Variants in WDR25 observed in about 807,000 individuals in gnomAD.
WDR25 encodes WD repeat-containing protein 25.
WDR25 carries 35 observed loss-of-function variants against 47.7 expected under a neutral mutation model. The observed-to-expected ratio is 0.73, with a 90% CI of 0.56 to 0.97. The LOEUF is 0.97. Among genes scored for constraint, WDR25 ranks in the 50% least tolerant of loss-of-function variants. The pLI, the probability that WDR25 is intolerant of heterozygous loss-of-function variation, is 0.00. For synonymous variants in WDR25, 248 were observed against 278.9 expected (o/e 0.89, Z 1.10); for missense variants, 634 against 704.7 (o/e 0.90, Z 1.14).
chr14:100,393,944 G>A (rs1897198973), intron 2 of WDR25, among the ~76,000 whole-genome samples: 1 of 152,194 alleles, frequency 6.6e-6, no homozygotes, highest in Non-Finnish European at 1.5e-5. Context: ...TCAAAAGAGA[G>A]TCAGGCACAT....
intron 2 of WDR25, among the ~76,000 whole-genome samples, chr14:100,418,999 A>T (rs1227307696): frequency 6.6e-6 from 1 of 152,122 alleles, no homozygotes; most frequent in East Asian, 1.9e-4. Flanking sequence ...GTGGGCGATC[A>T]CCTGATGTCA....
intron 2 of WDR25, among the ~76,000 whole-genome samples, chr14:100,402,375 A>G: frequency 6.6e-6 from 1 of 152,142 alleles, no homozygotes; most frequent in East Asian, 1.9e-4. Context: ...CTAAAAAAAA[A>G]AAACAAAACC....
intron 2 of WDR25, among the ~76,000 whole-genome samples, chr14:100,395,689 T>C (rs1387563161): frequency 6.6e-6 from 1 of 152,216 alleles, no homozygotes; most frequent in Non-Finnish European, 1.5e-5. Flanking sequence ...ATAAGTTCCA[T>C]GAGGGCAGGG....
chr14:100,459,857 A>T (rs1899319724), intron 2 of WDR25, among the ~76,000 whole-genome samples: 1 of 136,618 alleles, frequency 7.3e-6, no homozygotes. Flanking sequence ...AGCCCTGGGA[A>T]ATGGATATAT....
intron 2 of WDR25, among the ~76,000 whole-genome samples, chr14:100,453,240 G>T (rs1899097206): frequency 6.6e-6 from 1 of 152,198 alleles, no homozygotes; most frequent in African/African-American, 2.4e-5. Flanking sequence ...TGGACCTTGA[G>T]GGGTATTGCA....
chr14:100,494,006 T>C (rs1011229943), intron 4 of WDR25, among the ~76,000 whole-genome samples: 3 of 152,222 alleles, frequency 2.0e-5, no homozygotes, highest in Non-Finnish European at 4.4e-5. Context: ...AGCTCAAAGA[T>C]TCTTTCCTCA....
In WDR25 at chr14:100,502,533, C is replaced by T. The variant is rs1900960966; in HGVS notation, c.1101+18409C>T. On this transcript the variant is annotated intron_variant, in intron 4 of 6. Transcript: ENST00000402312. This position sits in a 1 kb window ranked among gnomAD's most constrained non-coding sequence, Gnocchi z 4.5. ...ACACTCACAGGCTGCTCCCCACCTG[C>T]CAGCTCCAGTTCCACCAGTGTCCTG... Among the ~76,000 whole-genome samples the T allele has an allele frequency of 6.6e-6, 1 of 152,226 alleles. No homozygotes were observed. Among genetic ancestry groups the T allele is most frequent in the South Asian group, 2.1e-4 (1 of 4,834 alleles).
intron 2 of WDR25, among the ~76,000 whole-genome samples, chr14:100,384,436 C>T (rs570992396): frequency 1.1e-3 from 165 of 152,344 alleles, no homozygotes; most frequent in Non-Finnish European, 1.9e-3. Context: ...GGCGGGGAGC[C>T]AGGCAGGAGC....
At position 100,425,942 on chromosome 14, in the gene WDR25, C is replaced by T. The variant is rs1414611417; in HGVS notation, c.823-42079C>T. ...GAGACCCTGGGCCTTGCGAGGACGC[C>T]GTCCTGACATTTCCACCCCAAATGG... On this transcript the variant is annotated intron_variant, in intron 2 of 6. Transcript: ENST00000402312. This position sits in a 1 kb window ranked among gnomAD's most constrained non-coding sequence, Gnocchi z 4.8. Among the ~76,000 whole-genome samples, 2 of 152,274 alleles carry T rather than the reference C, an allele frequency of 1.3e-5. No homozygotes were observed. The highest frequency in any genetic ancestry group is 6.5e-5 in the Admixed American group (1 of 15,298).
chr14:100,429,859 G>A (rs1595529329), intron 2 of WDR25, among the ~76,000 whole-genome samples: 1 of 152,052 alleles, frequency 6.6e-6, no homozygotes, highest in South Asian at 2.1e-4. Flanking sequence ...GGGCTCTTAT[G>A]TCTCTTCCTG....
chr14:100,411,143 C>T (rs1169357122), intron 2 of WDR25, among the ~76,000 whole-genome samples: 2 of 152,182 alleles, frequency 1.3e-5, no homozygotes, highest in African/African-American at 4.8e-5. Context: ...ACCCATCACA[C>T]ATTTAAATAG....
At position 100,424,216 on chromosome 14, in the gene WDR25, C is replaced by T. The variant is rs970347638; in HGVS notation, c.822+42470C>T. On this transcript the variant is annotated intron_variant, in intron 2 of 6. Transcript: ENST00000402312. This position sits in a 1 kb window ranked among gnomAD's most constrained non-coding sequence, Gnocchi z 4.2. Reference sequence around the variant, plus strand: ...TCCTGAGCCCAGGCACTTCGATGCCCACACTACTTCCAGGGAGCTGAGTTT... The same window carrying T: ...TCCTGAGCCCAGGCACTTCGATGCCTACACTACTTCCAGGGAGCTGAGTTT... Among the ~76,000 whole-genome samples the T allele has an allele frequency of 2.0e-5, 3 of 152,192 alleles. No individual in the cohort carries two copies. The highest frequency in any genetic ancestry group is 4.4e-5 in the Non-Finnish European group (3 of 68,026).
intron 2 of WDR25, among the ~76,000 whole-genome samples, chr14:100,444,389 A>G (rs1318504634): frequency 6.6e-6 from 1 of 152,180 alleles, no homozygotes; most frequent in Non-Finnish European, 1.5e-5. Flanking sequence ...GCTGCAGGGA[A>G]CCGCAGGATG....
intron 2 of WDR25, chr14:100,454,460 A>T (rs538817590): frequency 7.8e-7 from 1 of 1,286,200 alleles, no homozygotes; most frequent in South Asian, 1.2e-5. Flanking sequence ...GGCTTCCAGT[A>T]ATGAAGCAGT....
chr14:100,381,280 C>T lies in WDR25; in HGVS notation c.356C>T (p.Thr119Met), dbSNP rs34331240. 57,778 of 1,613,940 alleles carry T rather than the reference C, an allele frequency of 0.036. 1,250 individuals are homozygous for T. Among genetic ancestry groups the T allele is most frequent in the African/African-American group, 0.083 (6,262 of 75,000 alleles). Reference sequence around the variant, plus strand: ...GAGCCTTCTTGTTCTTCTCTGTGGACGAGCCATGTTCCAGCCAGCCACATG... The same window carrying T: ...GAGCCTTCTTGTTCTTCTCTGTGGATGAGCCATGTTCCAGCCAGCCACATG... ...IKEPSCSSLW[T>M]SHVPASHMPL... Residue 119 changes from threonine (T) to methionine (M), a missense_variant, in exon 2 of 7, where the codon ACG becomes ATG. Physicochemically the swap from Thr to Met is moderately conservative, Grantham distance 81. Coordinates refer to ENST00000402312, the MANE Select transcript of WDR25 (RefSeq NM_001161476.3).
rs376316355 is a variant in WDR25 at position 100,391,956 on chromosome 14, A to T, written c.822+10210A>T. Among the ~76,000 whole-genome samples, 18 of 152,292 alleles carry T rather than the reference A, an allele frequency of 1.2e-4. 1 individual carries two copies. The East Asian group carries it at 3.5e-3, about 29-fold the overall frequency. ...GATTAAATACAGACGCAGCTTTGAG[A>T]ACCCAGCTGTCTTGTATTAAGCCAG... On this transcript the variant is annotated intron_variant, in intron 2 of 6. Transcript: ENST00000402312.
At chr14:100,429,234 C>A (rs140161726) in intron 2 of WDR25, among the ~76,000 whole-genome samples, 55 of 152,308 alleles carry the variant, frequency 3.6e-4, no homozygotes, top group African/African-American at 1.2e-3. Context: ...AGCTTGTCAT[C>A]AGCTTCTCGT....
chr14:100,500,116 A>G lies in WDR25; in HGVS notation c.1101+15992A>G, dbSNP rs764462256. ...AACCCTCCTCCCCTACTTCTCTCTT[A>G]CCTGCTGCATCCTCTCTGTGCACCA... On this transcript the variant is annotated intron_variant, in intron 4 of 6. Coordinates refer to ENST00000402312, the MANE Select transcript of WDR25 (RefSeq NM_001161476.3). The surrounding 1 kb of genome is among the most constrained non-coding windows in gnomAD (Gnocchi z 4.7). Among the ~76,000 whole-genome samples, 17 of 151,770 alleles carry G rather than the reference A, an allele frequency of 1.1e-4. No individual in the cohort carries two copies. The highest frequency in any genetic ancestry group is 2.5e-4 in the Non-Finnish European group (17 of 67,906).
intron 2 of WDR25, among the ~76,000 whole-genome samples, chr14:100,458,158 T>C (rs1169678297): frequency 6.6e-6 from 1 of 152,110 alleles, no homozygotes; most frequent in Non-Finnish European, 1.5e-5. Flanking sequence ...AAACCCACTT[T>C]ATAAAGACAC....
Sources: allele counts gnomAD v4.1 joint callset (sites outside exome capture counted in the v4.1 genomes callset), GRCh38; gene constraint gnomAD v4.1.1; non-coding constraint Gnocchi (gnomAD v3.1); transcripts MANE v1.5; gene names NCBI Gene and HGNC (gene_info 2026-07-23, HGNC 2026-07-21).